NEFH: variants seen among roughly 807,000 people sequenced by gnomAD.
The protein encoded by NEFH is neurofilament heavy polypeptide.
NEFH carries 58 observed loss-of-function variants against 56.6 expected under a neutral mutation model. That is an observed-to-expected ratio of 1.03 (90% CI 0.83 to 1.28). The LOEUF is 1.28. NEFH is among the 50% of genes most tolerant of loss of function. The probability of loss-of-function intolerance (pLI) is 0.00; values close to 1 mark genes in which losing one functional copy is unlikely to be tolerated. For synonymous variants in NEFH, 542 were observed against 545.8 expected, an observed-to-expected ratio of 0.99 and a Z score of 0.10; for missense variants, 1,221 against 1,307.6, an observed-to-expected ratio of 0.93 and a Z score of 1.02.
Position 29,485,833 on chromosome 22 carries a change from G to GA in NEFH, c.1195dup (p.Ile399AsnfsTer11), listed in dbSNP as rs1208522030. 9 of 1,614,110 alleles carry GA rather than the reference G, an allele frequency of 5.6e-6. No homozygotes were observed. Among genetic ancestry groups the GA allele is most frequent in the Non-Finnish European group, 6.8e-6 (8 of 1,180,038 alleles). On this transcript the variant is annotated frameshift_variant, in exon 3 of 4. Coordinates refer to ENST00000310624, the MANE Select transcript of NEFH (RefSeq NM_021076.4). LOFTEE classifies it low-confidence loss of function (END_TRUNC). ...ATGTCAAGATGGCTCTGGATATAGA[G>GA]ATAGCCGCTTACAGGTGAGACGCAC...
chr22:29,485,574 G>C, intron 2 of NEFH, 149 bp from the exon 3 acceptor site: 1 of 878,306 alleles, frequency 1.1e-6, no homozygotes, highest in Non-Finnish European at 1.8e-6. Flanking sequence ...CCACTAATGA[G>C]GACCCTACAG....
chr22:29,483,294 AAAAG>A (rs559694543), intron 1 of NEFH, 77 bp from the exon 2 acceptor site: 33 of 1,347,864 alleles, frequency 2.4e-5, no homozygotes, highest in African/African-American at 1.8e-4. Flanking sequence ...AAAAAAAAGA[AAAAG>A]AACAAAGAAA....
chr22:29,480,718 G>A lies in NEFH; in HGVS notation c.456G>A (p.Glu152=). 1 of 1,510,516 alleles carries A rather than the reference G, an allele frequency of 6.6e-7. No individual in the cohort carries two copies. Among genetic ancestry groups the A allele is most frequent in the South Asian group, 1.2e-5 (1 of 80,346 alleles). 93.6% of individuals were successfully genotyped at this position (1,510,516 alleles called of 1,614,324 possible). ...MGELYEREVR[E]MRGAVLRLGA... ...AGCTGTACGAGCGCGAGGTCCGCGA[G>A]ATGCGCGGCGCGGTGCTGCGCCTGG... The change falls in exon 1 of 4, where the codon GAG becomes GAA. Residue 152 remains glutamate (E), a synonymous_variant. Transcript: ENST00000310624.
intron 1 of NEFH, 149 bp downstream of exon 1, chr22:29,481,294 A>G (rs2063008054): frequency 2.6e-6 from 2 of 774,920 alleles, no homozygotes; most frequent in East Asian, 5.8e-5. Flanking sequence ...CCCTAGTTAA[A>G]TCGCAGTTTT....
At position 29,480,599 on chromosome 22, in the gene NEFH, G is replaced by A. The variant is rs770936486; in HGVS notation, c.337G>A (p.Asp113Asn). 1.2e-5 allele frequency: 18 copies of A among 1,563,042 alleles called. No individual in the cohort carries two copies. The highest frequency in any genetic ancestry group is 4.6e-5 in the East Asian group (2 of 43,254). Residue 113 changes from aspartate (D) to asparagine (N), a missense_variant, in exon 1 of 4, where the codon GAC (aspartate) becomes AAC (asparagine). Asp to Asn is a conservative substitution (Grantham distance 23). Coordinates refer to ENST00000310624, the MANE Select transcript of NEFH (RefSeq NM_021076.4). ...ALNDRFAGYI[D>N]KVRQLEAHNR... is the part of the protein sequence containing the mutation. Reference sequence around the variant, plus strand: ...GAACGACCGCTTCGCCGGGTACATCGACAAGGTGCGGCAGCTGGAGGCGCA... The same window carrying A: ...GAACGACCGCTTCGCCGGGTACATCAACAAGGTGCGGCAGCTGGAGGCGCA...
Position 29,489,078 on chromosome 22 carries a change from G to C in NEFH, c.1438G>C (p.Glu480Gln). Residue 480 changes from glutamate to glutamine, a missense_variant, in exon 4 of 4, where the codon GAG (glutamate) becomes CAG (glutamine). Physicochemically the swap from Glu to Gln is conservative, Grantham distance 29. This residue lies in a region of NEFH where 243 missense variants were observed against 299.1 expected (regional missense o/e 0.81). Coordinates refer to ENST00000310624, the MANE Select transcript of NEFH (RefSeq NM_021076.4). ...TGAAGAAGAGGAGAAAGAGGCCAAA[G>C]AGGAGGAGGGCAAGGAGGAAGAAGG... Reference protein sequence around the residue: ...VTEEEEKEAKEEEGKEEEGGE... With the variant: ...VTEEEEKEAKQEEGKEEEGGE... 1 of 1,613,724 alleles carries C rather than the reference G, an allele frequency of 6.2e-7. No individual in the cohort carries two copies. The highest frequency in any genetic ancestry group is 8.5e-7 in the Non-Finnish European group (1 of 1,179,732).
In NEFH at chr22:29,489,411, G is replaced by A. The variant is rs1173778779; in HGVS notation, c.1771G>A (p.Glu591Lys). Residue 591 changes from glutamate (E) to lysine (K), a missense_variant, in exon 4 of 4, where the codon GAG becomes AAG. Coordinates refer to ENST00000310624, the MANE Select transcript of NEFH (RefSeq NM_021076.4). ...PEKAKSPAKE[E>K]AKSPAEAKSP... ...GAAGGCCAAGTCCCCAGCAAAGGAA[G>A]AGGCAAAGTCACCGGCTGAGGCCAA... 3 of 1,613,366 alleles carry A rather than the reference G, an allele frequency of 1.9e-6. No homozygotes were observed. The highest frequency in any genetic ancestry group is 2.5e-6 in the Non-Finnish European group (3 of 1,179,754).
chr22:29,480,970 A>G lies in NEFH; in HGVS notation c.708A>G (p.Glu236=). 1.3e-6 allele frequency: 2 copies of G among 1,531,434 alleles called. No homozygotes were observed. Among genetic ancestry groups the G allele is most frequent in the South Asian group, 1.2e-5 (1 of 83,816 alleles). The allele number at this position is 1,531,434 out of a possible 1,614,324, so 94.9% of individuals were successfully genotyped here. The change falls in exon 1 of 4, where the codon GAA becomes GAG. Residue 236 remains glutamate (E), a synonymous_variant. Coordinates refer to ENST00000310624, the MANE Select transcript of NEFH (RefSeq NM_021076.4). ...GCTACCTGCGGCGCCACCACCAGGA[A>G]GAGGTGGGCGAGCTGCTCGGCCAGA... ...ECGYLRRHHQ[E]EVGELLGQIQ...
At position 29,490,520 on chromosome 22, in the gene NEFH, G is replaced by T. The variant is rs372070551; in HGVS notation, c.2880G>T (p.Glu960Asp). The T allele has an allele frequency of 8.3e-4, 1,332 of 1,596,694 alleles. 26 individuals are homozygous for T. In the South Asian group the frequency reaches 0.014, roughly 17 times the overall value. ...AAPEKKDTKE[E>D]KAKKPEEKPK... ...CGGAGAAAAAAGACACCAAGGAGGA[G>T]AAGGCCAAGAAGCCTGAGGAGAAAC... The change falls in exon 4 of 4, where the codon GAG (glutamate) becomes GAT (aspartate). Residue 960 changes from glutamate to aspartate, a missense_variant. This residue lies in a region of NEFH where 301 missense variants were observed against 346.6 expected (regional missense o/e 0.87). Transcript: ENST00000310624.
Position 29,490,437 on chromosome 22 carries a change from C to T in NEFH, c.2797C>T (p.Pro933Ser), listed in dbSNP as rs777317391. 1.5e-5 allele frequency: 24 copies of T among 1,604,400 alleles called. No homozygotes were observed. The East Asian group carries it at 4.7e-4, about 31-fold the overall frequency. Residue 933 changes from proline (P) to serine (S), a missense_variant, in exon 4 of 4, where the codon CCA (proline) becomes TCA (serine). Pro to Ser is a moderately conservative substitution (Grantham distance 74). Around this residue, in one of 4 missense-constraint regions of NEFH, gnomAD observed 301 missense variants for 346.6 expected, o/e 0.87. Coordinates refer to ENST00000310624, the MANE Select transcript of NEFH (RefSeq NM_021076.4). ...KEKTEVAKKEPDDAKAKEPSK... is the reference protein window; with the variant it reads ...KEKTEVAKKESDDAKAKEPSK... ...AAAGACAGAGGTAGCCAAGAAGGAA[C>T]CAGATGATGCCAAGGCCAAGGAACC... is the stretch of plus-strand genomic sequence containing the variant.
intron 2 of NEFH, among the ~76,000 whole-genome samples, chr22:29,483,831 A>ATTTATTTC (rs2063028061): frequency 1.8e-5 from 1 of 54,100 alleles, no homozygotes; most frequent in Non-Finnish European, 3.7e-5. Flanking sequence ...ATAGACTTTT[A>ATTTATTTC]TTTATTTATT....
In NEFH at chr22:29,489,414, G is replaced by T. The variant is rs768529407; in HGVS notation, c.1774G>T (p.Ala592Ser). 54 of 1,612,984 alleles carry T rather than the reference G, an allele frequency of 3.3e-5. No homozygotes were observed. The highest frequency in any genetic ancestry group is 4.2e-5 in the Non-Finnish European group (50 of 1,179,500). The change falls in exon 4 of 4, where the codon GCA (alanine) becomes TCA (serine). Residue 592 changes from alanine to serine, a missense_variant. By Grantham distance (99) the Ala-to-Ser change is moderately conservative. Coordinates refer to ENST00000310624, the MANE Select transcript of NEFH (RefSeq NM_021076.4). ...GGCCAAGTCCCCAGCAAAGGAAGAG[G>T]CAAAGTCACCGGCTGAGGCCAAGTC... is the stretch of plus-strand genomic sequence containing the variant. ...EKAKSPAKEE[A>S]KSPAEAKSPE...
rs1394197260 is a variant in NEFH at position 29,490,353 on chromosome 22, A to C, written c.2713A>C (p.Thr905Pro). The C allele has an allele frequency of 1.9e-6, 3 of 1,612,490 alleles. No homozygotes were observed. Among genetic ancestry groups the C allele is most frequent in the African/African-American group, 2.7e-5 (2 of 74,652 alleles). Reference protein sequence around the residue: ...EEAEDKKKVPTPEKEAPAKVE... With the variant: ...EEAEDKKKVPPPEKEAPAKVE... ...GGCTGAAGATAAGAAAAAAGTCCCC[A>C]CCCCAGAGAAGGAGGCTCCTGCCAA... is the stretch of plus-strand genomic sequence containing the variant. Residue 905 changes from threonine (T) to proline (P), a missense_variant, in exon 4 of 4, where the codon ACC (threonine) becomes CCC (proline). Physicochemically the swap from Thr to Pro is conservative, Grantham distance 38. Transcript: ENST00000310624.
At chr22:29,483,233 T>A in intron 1 of NEFH, 142 bp from the exon 2 acceptor site, 48 of 737,294 alleles carry the variant, frequency 6.5e-5, no homozygotes, top group Non-Finnish European at 9.0e-5. Context: ...GAGCTGAGAG[T>A]GCACCACTGC....
In NEFH at chr22:29,490,535, T is replaced by G; in HGVS notation, c.2895T>G (p.Pro965=). ...CCAAGGAGGAGAAGGCCAAGAAGCC[T>G]GAGGAGAAACCCAAGACAGAGGCCA... ...KDTKEEKAKK[P]EEKPKTEAKA... The change falls in exon 4 of 4, where the codon CCT becomes CCG. Residue 965 remains proline (P), a synonymous_variant. Coordinates refer to ENST00000310624, the MANE Select transcript of NEFH (RefSeq NM_021076.4). 1.9e-6 allele frequency: 3 copies of G among 1,604,846 alleles called. No individual in the cohort carries two copies. The highest frequency in any genetic ancestry group is 2.5e-6 in the Non-Finnish European group (3 of 1,177,508).
chr22:29,480,849 A>G lies in NEFH; in HGVS notation c.587A>G (p.Glu196Gly). Residue 196 changes from glutamate (E) to glycine (G), a missense_variant, in exon 1 of 4, where the codon GAG (glutamate) becomes GGG (glycine). By Grantham distance (98) the Glu-to-Gly change is moderately conservative (BLOSUM62 -2). This residue lies in a region of NEFH where 640 missense variants were observed against 555.5 expected (regional missense o/e 1.15). Transcript: ENST00000310624. ...DDEARQREEA[E>G]AAARALARFA... ...GAGGCCCGGCAGCGAGAGGAGGCCGAGGCGGCGGCCCGCGCGCTGGCGCGC... is the reference window on the plus strand; with the variant it reads ...GAGGCCCGGCAGCGAGAGGAGGCCGGGGCGGCGGCCCGCGCGCTGGCGCGC... The G allele has an allele frequency of 7.2e-7, 1 of 1,394,786 alleles. No individual in the cohort carries two copies. Among genetic ancestry groups the G allele is most frequent in the Non-Finnish European group, 9.2e-7 (1 of 1,087,178 alleles). 86.4% of individuals were successfully genotyped at this position (1,394,786 alleles called of 1,614,324 possible).
chr22:29,484,825 C>T (rs868582729), intron 2 of NEFH, among the ~76,000 whole-genome samples: 5 of 152,028 alleles, frequency 3.3e-5, no homozygotes, highest in Admixed American at 2.6e-4. Context: ...GGCCCTGCTC[C>T]CACTGGGTTT....
At position 29,489,007 on chromosome 22, in the gene NEFH, T is replaced by C. The variant is rs577081759; in HGVS notation, c.1367T>C (p.Ile456Thr). 2 of 1,613,944 alleles carry C rather than the reference T, an allele frequency of 1.2e-6. No individual in the cohort carries two copies. Among genetic ancestry groups the C allele is most frequent in the Admixed American group, 1.7e-5 (1 of 59,986 alleles). Residue 456 changes from isoleucine to threonine, a missense_variant, in exon 4 of 4, where the codon ATT becomes ACT. By Grantham distance (89) the Ile-to-Thr change is moderately conservative. Coordinates refer to ENST00000310624, the MANE Select transcript of NEFH (RefSeq NM_021076.4). ...VVEKSEKETV[I>T]VEEQTEETQV... ...GAGAAGTCTGAGAAAGAAACTGTGA[T>C]TGTGGAGGAACAGACAGAGGAGACC...
rs755594524 is a variant in NEFH at position 29,483,375 on chromosome 22, T to C, written c.884T>C (p.Val295Ala). ...TGTGCCCTGCTACCTTCTCCCCCAG[T>C]GAGGCTGGACCGACTGTCGGAGGCA... The part of the protein sequence containing the change: ...STLQSEEWFR[V>A]RLDRLSEAAK... Residue 295 changes from valine to alanine, a missense_variant and splice_region_variant, in exon 2 of 4, where the codon GTG (valine) becomes GCG (alanine). Transcript: ENST00000310624. 3 of 1,613,512 alleles carry C rather than the reference T, an allele frequency of 1.9e-6. No homozygotes were observed. The South Asian group carries it at 3.3e-5, about 18-fold the overall frequency.
Sources: gnomAD v4.1 joint callset for allele counts (sites outside exome capture counted in the v4.1 genomes callset) on GRCh38, gnomAD v4.1.1 for gene constraint, gnomAD v4.1.1 regional missense constraint, MANE v1.5 for transcripts, NCBI Gene and HGNC (gene_info 2026-07-23, HGNC 2026-07-21) for gene names.